WDFY4: variants seen among roughly 807,000 people sequenced by gnomAD.
WDFY4 encodes WDFY family member 4.
WDFY4 carries 169 observed loss-of-function variants against 351.9 expected under a neutral mutation model. The ratio of observed to expected loss-of-function variants is 0.48; its 90% CI spans 0.42 to 0.55. The LOEUF (loss-of-function observed/expected upper bound fraction) is 0.55. Ranked by LOEUF, WDFY4 falls within the 20% of genes least tolerant of loss-of-function variation. WDFY4 has a pLI of 0.00. For synonymous variants in WDFY4, 1,622 were observed against 1,574.6 expected (o/e 1.03, Z -0.71); for missense variants, 3,803 against 3,935.6 (o/e 0.97, Z 0.90).
chr10:48,849,043 G>A (rs932422588), intron 39 of WDFY4, among the ~76,000 whole-genome samples: 3 of 152,136 alleles, frequency 2.0e-5, no homozygotes, highest in Admixed American at 2.0e-4. Context: ...CTCCATGCAT[G>A]GGGGATCCCC....
intron 13 of WDFY4, among the ~76,000 whole-genome samples, chr10:48,765,520 C>T (rs902802217): frequency 2.6e-5 from 4 of 152,190 alleles, no homozygotes; most frequent in African/African-American, 4.8e-5. Flanking sequence ...GGTGCAGCTA[C>T]TATCATCAGT....
At chr10:48,765,067 T>C (rs1013705216) in intron 13 of WDFY4, among the ~76,000 whole-genome samples, 2 of 152,162 alleles carry the variant, frequency 1.3e-5, no homozygotes, top group African/African-American at 4.8e-5. Context: ...TGGGCTAGAA[T>C]AGAACACATG....
intron 1 of WDFY4, among the ~76,000 whole-genome samples, chr10:48,694,570 G>A (rs1190053592): frequency 6.6e-6 from 1 of 152,106 alleles, no homozygotes. Flanking sequence ...GCAGCTGCCA[G>A]CTGCTCCTGT....
intron 39 of WDFY4, among the ~76,000 whole-genome samples, chr10:48,859,228 T>G (rs750692185): frequency 6.6e-6 from 1 of 152,186 alleles, no homozygotes; most frequent in Non-Finnish European, 1.5e-5. Flanking sequence ...TCTTGCCTTA[T>G]TGCACTGAAT....
rs929215015 is a variant in WDFY4 at position 48,822,431 on chromosome 10, C to G, written c.5876C>G (p.Ala1959Gly). 6.4e-7 allele frequency: 1 copy of G among 1,551,332 alleles called. No individual in the cohort carries two copies. The highest frequency in any genetic ancestry group is 2.0e-5 in the Admixed American group (1 of 50,920). The change falls in exon 35 of 62, where the codon GCC (alanine) becomes GGC (glycine). Residue 1959 changes from alanine to glycine, a missense_variant. This residue lies in a region of WDFY4 where 3,054 missense variants were observed against 3,148.6 expected (regional missense o/e 0.97). Coordinates refer to ENST00000325239, the MANE Select transcript of WDFY4 (RefSeq NM_001394531.1). ...GAAGCTGCTGCTGCCCCTTCTCTTG[C>G]CAACATCTCCTGCTTCACCCAGAAG... ...SAEAAAAPSL[A>G]NISCFTQKLV... is the part of the protein sequence containing the mutation.
chr10:48,900,328 T>G, intron 46 of WDFY4, 22 bp downstream of exon 46: 1 of 1,531,064 alleles, frequency 6.5e-7, no homozygotes, highest in Non-Finnish European at 8.8e-7. Context: ...AAAATCCTCC[T>G]TCTGAGGAAA....
intron 30 of WDFY4, among the ~76,000 whole-genome samples, chr10:48,812,179 C>CTTTTTTTTTTTTTTTT (rs1355851618): frequency 2.2e-5 from 3 of 134,556 alleles, no homozygotes; most frequent in African/African-American, 6.3e-5. Context: ...TCTTTCTTTT[C>CTTTTTTTTTTTTTTTT]TTTTTTTTTT....
In WDFY4 at chr10:48,918,210, A is replaced by G. The variant is rs139968986; in HGVS notation, c.7586+16347A>G. Among the ~76,000 whole-genome samples the G allele has an allele frequency of 1.1e-4, 17 of 152,356 alleles. No individual in the cohort carries two copies. The East Asian group carries it at 2.7e-3, about 24-fold the overall frequency. ...CAAACAGACAACAACTATTAAAATG[A>G]TAGACTGAAACTCAAACATAGCAAT... On this transcript the variant is annotated intron_variant, in intron 47 of 61. Transcript: ENST00000325239.
At chr10:48,818,789 T>A (rs1327954194) in intron 32 of WDFY4, among the ~76,000 whole-genome samples, 2 of 152,204 alleles carry the variant, frequency 1.3e-5, no homozygotes, top group African/African-American at 2.4e-5. Context: ...TCATATCAAG[T>A]AACTTACTAA....
intron 47 of WDFY4, among the ~76,000 whole-genome samples, chr10:48,919,212 C>G (rs1410432729): frequency 6.6e-6 from 1 of 151,708 alleles, no homozygotes; most frequent in Non-Finnish European, 1.5e-5. Context: ...TTACACATAT[C>G]AGGAGTTAAA....
chr10:48,712,937 TACAA>T (rs1354072191), intron 2 of WDFY4, among the ~76,000 whole-genome samples: 1 of 152,188 alleles, frequency 6.6e-6, no homozygotes, highest in East Asian at 1.9e-4. Context: ...GACTCCTGAG[TACAA>T]ACAAAGAGTC....
intron 29 of WDFY4, among the ~76,000 whole-genome samples, 191 bp downstream of exon 29, chr10:48,810,926 C>T (rs1434772725): frequency 3.9e-5 from 6 of 152,194 alleles, no homozygotes; most frequent in African/African-American, 1.4e-4. Context: ...TCCCCCGCAG[C>T]CTCACTGCAC....
intron 47 of WDFY4, among the ~76,000 whole-genome samples, chr10:48,925,774 G>A (rs2133628831): frequency 6.6e-6 from 1 of 152,230 alleles, no homozygotes; most frequent in South Asian, 2.1e-4. Flanking sequence ...AGTTTGGGGG[G>A]ATTTCTGACA....
Position 48,826,751 on chromosome 10 carries a change from C to T in WDFY4, c.6063C>T (p.Cys2021=). 1.3e-6 allele frequency: 2 copies of T among 1,551,870 alleles called. No homozygotes were observed. The highest frequency in any genetic ancestry group is 1.7e-6 in the Non-Finnish European group (2 of 1,147,038). The part of the protein sequence containing the change: ...YSSLNKVILY[C]LSKPQQSLSE... ...GTTTAAATAAAGTCATTCTTTATTG[C>T]CTATCCAAGCCCCAGCAGTCCCTCT... Residue 2021 remains cysteine (C), a synonymous_variant, in exon 36 of 62, where the codon TGC becomes TGT. Coordinates refer to ENST00000325239, the MANE Select transcript of WDFY4 (RefSeq NM_001394531.1).
intron 23 of WDFY4, among the ~76,000 whole-genome samples, chr10:48,794,520 G>A (rs1293863210): frequency 6.6e-6 from 1 of 152,106 alleles, no homozygotes; most frequent in Non-Finnish European, 1.5e-5. Context: ...CCACCATGAT[G>A]ATATTTAATC....
chr10:48,749,091 C>T (rs549336819), intron 12 of WDFY4, among the ~76,000 whole-genome samples: 2 of 152,310 alleles, frequency 1.3e-5, no homozygotes, highest in East Asian at 3.9e-4. Flanking sequence ...CAGCTGCTTC[C>T]TAAGCATGTG....
At chr10:48,736,860 A>T (rs1274136009) in intron 11 of WDFY4, among the ~76,000 whole-genome samples, 5 of 152,220 alleles carry the variant, frequency 3.3e-5, no homozygotes. Flanking sequence ...AAAGGCAGTC[A>T]GAGGTGTGGA....
At chr10:48,821,722 G>A (rs910063086) in intron 34 of WDFY4, among the ~76,000 whole-genome samples, 11 of 152,200 alleles carry the variant, frequency 7.2e-5, no homozygotes, top group African/African-American at 2.7e-4. Flanking sequence ...AGGAACATGA[G>A]TCCTACTCTG....
At chr10:48,830,539 A>G (rs890762133) in intron 37 of WDFY4, among the ~76,000 whole-genome samples, 161 bp from the exon 38 acceptor site, 4 of 152,132 alleles carry the variant, frequency 2.6e-5, no homozygotes, top group African/African-American at 9.7e-5. Context: ...TGTGGCTCTC[A>G]GTACTGATTG....
Sources: gnomAD v4.1 joint callset for allele counts (sites outside exome capture counted in the v4.1 genomes callset) on GRCh38, gnomAD v4.1.1 for gene constraint, gnomAD v4.1.1 regional missense constraint, MANE v1.5 for transcripts, NCBI Gene and HGNC (gene_info 2026-07-23, HGNC 2026-07-21) for gene names.